The following PCDHGA3 variants were observed in gnomAD, a reference collection of about 807,000 sequenced individuals.
PCDHGA3 encodes the protein protocadherin gamma subfamily A, 3.
Under a neutral mutation model 58.5 loss-of-function variants are expected in PCDHGA3, and 40 were observed. The ratio of observed to expected loss-of-function variants is 0.68; its 90% CI spans 0.53 to 0.89. The LOEUF is 0.89. Ranked by LOEUF, PCDHGA3 falls within the 40% of genes least tolerant of loss-of-function variation. The pLI is 0.00. For synonymous variants in PCDHGA3, 530 were observed against 525.7 expected (o/e 1.01, Z -0.11); for missense variants, 1,223 against 1,195.9 (o/e 1.02, Z -0.33).
intron 1 of PCDHGA3, chr5:141,360,139 A>G: frequency 6.3e-7 from 1 of 1,594,488 alleles, no homozygotes; most frequent in South Asian, 1.1e-5. Context: ...CCAGAAGATG[A>G]AAGCGAGCTC....
chr5:141,509,346 G>A (rs946395640), intron 3 of PCDHGA3, among the ~76,000 whole-genome samples: 7 of 152,194 alleles, frequency 4.6e-5, no homozygotes, highest in Non-Finnish European at 8.8e-5. Flanking sequence ...GCCTGGGCTG[G>A]CCTGGGCATC....
intron 1 of PCDHGA3, chr5:141,492,006 G>T (rs2099736069): frequency 7.8e-6 from 5 of 643,420 alleles, no homozygotes; most frequent in Non-Finnish European, 1.3e-5. Context: ...GGCGATTTCC[G>T]CGGGTGTCGG....
intron 1 of PCDHGA3, chr5:141,422,942 G>C (rs199976232): frequency 6.2e-7 from 1 of 1,614,214 alleles, no homozygotes; most frequent in East Asian, 2.2e-5. Flanking sequence ...CCCACAGACG[G>C]CTCCACTGGC....
At chr5:141,503,660 C>A (rs2099827842) in intron 2 of PCDHGA3, among the ~76,000 whole-genome samples, 1 of 150,420 alleles carries the variant, frequency 6.6e-6, no homozygotes, top group Non-Finnish European at 1.5e-5. Flanking sequence ...AACAGAATTA[C>A]AACTCTTCCC....
intron 2 of PCDHGA3, 164 bp downstream of exon 2, chr5:141,495,029 G>A: frequency 2.1e-6 from 2 of 968,864 alleles, no homozygotes; most frequent in Non-Finnish European, 2.5e-6. Flanking sequence ...ACAGACCCCG[G>A]AAGGAAGAGG....
intron 1 of PCDHGA3, chr5:141,379,749 T>A (rs1396117156): frequency 6.6e-6 from 1 of 152,138 alleles, no homozygotes; most frequent in African/African-American, 2.4e-5. Flanking sequence ...ATGAGGTTCT[T>A]TAATCCACCT....
intron 1 of PCDHGA3, chr5:141,410,564 T>C: frequency 6.2e-7 from 1 of 1,612,612 alleles, no homozygotes; most frequent in Non-Finnish European, 8.5e-7. Context: ...TCCTGGAGCC[T>C]TAATTCCACC....
At chr5:141,383,961 C>T (rs768963435) in intron 1 of PCDHGA3, 31 of 1,613,238 alleles carry the variant, frequency 1.9e-5, no homozygotes, top group Non-Finnish European at 2.6e-5. Context: ...CTTTAAGTAG[C>T]TCAATCCCTG....
rs1443411888 is a variant in PCDHGA3, at chr5:141,374,687, C to T, written c.2424+28230C>T. 3.7e-6 allele frequency: 6 copies of T among 1,609,326 alleles called. No individual in the cohort carries two copies. In the East Asian group the frequency reaches 6.7e-5, roughly 18 times the overall value. ...GCTGGTGCTGGAGGGCACACTGGAC[C>T]GGGAAGGAGAAGCCGTTTACCGCCT... is the stretch of plus-strand genomic sequence containing the variant. On this transcript the variant is annotated intron_variant, in intron 1 of 3. Transcript: ENST00000253812.
chr5:141,372,131 G>A lies in PCDHGA3; in HGVS notation c.2424+25674G>A, dbSNP rs181587030. 4.2e-4 allele frequency: 682 copies of A among 1,613,644 alleles called. 9 individuals are homozygous for A. The East Asian group carries it at 8.2e-3, about 19-fold the overall frequency. On this transcript the variant is annotated intron_variant, in intron 1 of 3. Transcript: ENST00000253812. ...GCTCTGCGCTCTTCGATATGGTGCCGCGCTCTGCAGAGCCTGGCTACCTGG... is the reference window on the plus strand; with the variant it reads ...GCTCTGCGCTCTTCGATATGGTGCCACGCTCTGCAGAGCCTGGCTACCTGG...
Position 141,364,369 on chromosome 5 carries a change from G to A in PCDHGA3, c.2424+17912G>A, listed in dbSNP as rs561217831. The A allele has an allele frequency of 3.3e-5, 52 of 1,567,648 alleles. 1 individual carries two copies. Among genetic ancestry groups the A allele is most frequent in the Non-Finnish European group, 3.6e-5 (42 of 1,158,852 alleles). Reference sequence around the variant, plus strand: ...CTAGGGGCTGGGGCTGCGGAGAGCTGCTGCTGCCCTTCATGCTCCTGGGGA... The same window carrying A: ...CTAGGGGCTGGGGCTGCGGAGAGCTACTGCTGCCCTTCATGCTCCTGGGGA... On this transcript the variant is annotated intron_variant, in intron 1 of 3. Coordinates refer to ENST00000253812, the MANE Select transcript of PCDHGA3 (RefSeq NM_018916.4).
intron 1 of PCDHGA3, among the ~76,000 whole-genome samples, chr5:141,405,891 A>G (rs1029768115): frequency 1.3e-5 from 2 of 152,164 alleles, no homozygotes; most frequent in African/African-American, 4.8e-5. Flanking sequence ...TTGCTCCAAC[A>G]CTGAAAGGAG....
At chr5:141,404,198 T>G in intron 1 of PCDHGA3, 1 of 1,613,554 alleles carries the variant, frequency 6.2e-7, no homozygotes, top group Non-Finnish European at 8.5e-7. Flanking sequence ...AGAAAAAGCC[T>G]CAGAATATAA....
At chr5:141,481,649 C>G (rs1199734660) in intron 1 of PCDHGA3, among the ~76,000 whole-genome samples, 1 of 152,012 alleles carries the variant, frequency 6.6e-6, no homozygotes, top group African/African-American at 2.4e-5. Flanking sequence ...GAAACTTCAT[C>G]TCTACTAATA....
Position 141,393,951 on chromosome 5 carries a change from G to A in PCDHGA3, c.2424+47494G>A, listed in dbSNP as rs778713382. The A allele has an allele frequency of 6.4e-5, 104 of 1,613,726 alleles. No homozygotes were observed. The highest frequency in any genetic ancestry group is 1.6e-4 in the Middle Eastern group (1 of 6,084). ...GCATGACCAAGACTCTGGAAAGAAT[G>A]GTCAAGTTGTCTGTTACACACGTGA... On this transcript the variant is annotated intron_variant, in intron 1 of 3. Transcript: ENST00000253812.
intron 1 of PCDHGA3, chr5:141,389,657 G>C (rs372714152): frequency 8.1e-6 from 13 of 1,612,432 alleles, no homozygotes; most frequent in African/African-American, 2.7e-5. Context: ...AGGTAGTGGC[G>C]GTGGACGCAG....
At position 141,485,135 on chromosome 5, in the gene PCDHGA3, G is replaced by A; in HGVS notation, c.2425-9672G>A. 6.7e-7 allele frequency: 1 copy of A among 1,500,498 alleles called. No individual in the cohort carries two copies. Among genetic ancestry groups the A allele is most frequent in the East Asian group, 2.3e-5 (1 of 44,254 alleles). 92.9% of individuals were successfully genotyped at this position (1,500,498 alleles called of 1,614,324 possible). A position where few individuals can be genotyped will look rare whatever the true frequency, so the allele number is the denominator to read the frequency against. On this transcript the variant is annotated intron_variant, in intron 1 of 3. Coordinates refer to ENST00000253812, the MANE Select transcript of PCDHGA3 (RefSeq NM_018916.4). The surrounding 1 kb of genome is among the most constrained non-coding windows in gnomAD (Gnocchi z 5.7). ...TGTTTGGGGCGGGTCGGCTTCATCCGCGTCTCAGGAGCAAGTAGAGAATTA... is the reference window on the plus strand; with the variant it reads ...TGTTTGGGGCGGGTCGGCTTCATCCACGTCTCAGGAGCAAGTAGAGAATTA...
At chr5:141,403,138 C>G in intron 1 of PCDHGA3, 1 of 1,614,036 alleles carries the variant, frequency 6.2e-7, no homozygotes, top group Non-Finnish European at 8.5e-7. Context: ...TGGCGGAGCG[C>G]CGAGTCCGCA....
At chr5:141,382,993 C>G (rs762865747) in intron 1 of PCDHGA3, 2 of 1,613,542 alleles carry the variant, frequency 1.2e-6, no homozygotes, top group East Asian at 2.2e-5. Context: ...AGGACGTATT[C>G]TCTACTCCGT....
Sources: allele counts gnomAD v4.1 joint callset (sites outside exome capture counted in the v4.1 genomes callset), GRCh38; gene constraint gnomAD v4.1.1; non-coding constraint Gnocchi (gnomAD v3.1); transcripts MANE v1.5; gene names NCBI Gene and HGNC (gene_info 2026-07-23, HGNC 2026-07-21).